The following CMIP variants were observed in gnomAD, a reference collection of about 807,000 sequenced individuals.
CMIP encodes c-Maf inducing protein.
In CMIP, 13 loss-of-function variants were observed where a neutral mutation model predicts 97.3. The ratio of observed to expected loss-of-function variants is 0.13; its 90% CI spans 0.09 to 0.21. The LOEUF is 0.21. Among genes scored for constraint, CMIP ranks in the 10% least tolerant of loss-of-function variants. CMIP has a pLI of 1.00. For missense variants in CMIP, 847 were observed against 1,024.9 expected (o/e 0.83, Z 2.37); for synonymous variants, 538 against 436.3 (o/e 1.23, Z -2.91).
chr16:81,483,414 C>G (rs1417558454), intron 1 of CMIP, among the ~76,000 whole-genome samples: 1 of 152,132 alleles, frequency 6.6e-6, no homozygotes, highest in Non-Finnish European at 1.5e-5. Flanking sequence ...CTGTGAGTCA[C>G]TAGTGGGGTC....
chr16:81,698,715 G>A (rs1469591157), intron 14 of CMIP, among the ~76,000 whole-genome samples: 2 of 152,084 alleles, frequency 1.3e-5, no homozygotes, highest in African/African-American at 4.8e-5. Flanking sequence ...TCTCCAGAAC[G>A]TTCTTATCTT....
chr16:81,618,205 GC>G (rs1486746019), intron 2 of CMIP, among the ~76,000 whole-genome samples: 1 of 152,138 alleles, frequency 6.6e-6, no homozygotes, highest in African/African-American at 2.4e-5. Flanking sequence ...GTCCCATGGG[GC>G]TAAAACGAAG....
chr16:81,595,194 T>C (rs1447585646), intron 1 of CMIP, among the ~76,000 whole-genome samples: 1 of 151,972 alleles, frequency 6.6e-6, no homozygotes, highest in Non-Finnish European at 1.5e-5. Context: ...TAGAACATTT[T>C]CATCCCCCAA....
chr16:81,593,508 T>G (rs1450936125), intron 1 of CMIP, among the ~76,000 whole-genome samples: 1 of 152,196 alleles, frequency 6.6e-6, no homozygotes, highest in African/African-American at 2.4e-5. Context: ...GGTCACCCCA[T>G]GCACCAGGCC....
Position 81,657,050 on chromosome 16 carries a change from T to TA in CMIP, c.640-713dup, listed in dbSNP as rs925722974. Among the ~76,000 whole-genome samples, 66 of 114,042 alleles carry TA rather than the reference T, an allele frequency of 5.8e-4. 1 individual carries two copies. Among genetic ancestry groups the TA allele is most frequent in the Middle Eastern group, 5.3e-3 (1 of 188 alleles). 74.8% of individuals were successfully genotyped at this position (114,042 alleles called of 152,430 possible). A position where few individuals can be genotyped will look rare whatever the true frequency, so the allele number is the denominator to read the frequency against. Reference sequence around the variant, plus strand: ...AGTATAATGCAGATATTCCAAAATTTAAAAAAAAAAAATGGAAATCCAAAA... The same window carrying TA: ...AGTATAATGCAGATATTCCAAAATTTAAAAAAAAAAAAATGGAAATCCAAAA... On this transcript the variant is annotated intron_variant, in intron 4 of 20. Transcript: ENST00000537098.
rs2091989987 is a variant in CMIP, at chr16:81,621,370, T to C, written c.477+444T>C. On this transcript the variant is annotated intron_variant, in intron 3 of 20. Transcript: ENST00000537098. This position sits in a 1 kb window ranked among gnomAD's most constrained non-coding sequence, Gnocchi z 4.1. ...TCTTCACTGATTTTCAGTTGTCGGA[T>C]TCTGTGGCCTAATTTTCTGATTCTG... The C allele has an allele frequency of 6.1e-6, 1 of 163,150 alleles. No individual in the cohort carries two copies. The allele number at this position is 163,150 out of a possible 1,614,324, so 10.1% of individuals were successfully genotyped here.
rs575915855 is a variant in CMIP at position 81,703,341 on chromosome 16, T to C, written c.1945-598T>C. Among the ~76,000 whole-genome samples, 242 of 152,164 alleles carry C rather than the reference T, an allele frequency of 1.6e-3. 1 individual carries two copies. The highest frequency in any genetic ancestry group is 5.3e-3 in the African/African-American group (222 of 41,502). On this transcript the variant is annotated intron_variant, in intron 17 of 20. Coordinates refer to ENST00000537098, the MANE Select transcript of CMIP (RefSeq NM_198390.3). ...GATGGAGGGGAGTGTGGAGGTTGTC[T>C]TAGGAACCTCCCAGTCCGGTGCTCA...
At chr16:81,673,980 G>C (rs1412274948) in intron 9 of CMIP, among the ~76,000 whole-genome samples, 1 of 152,172 alleles carries the variant, frequency 6.6e-6, no homozygotes, top group Non-Finnish European at 1.5e-5. Flanking sequence ...TGTACAGGGG[G>C]GATTTCTCAA....
chr16:81,583,631 T>C (rs117574543), intron 1 of CMIP, among the ~76,000 whole-genome samples: 6,245 of 152,252 alleles, frequency 0.041, 181 homozygotes, highest in Middle Eastern at 0.12. Flanking sequence ...TTCCTCTCAC[T>C]GTCAGCCCCA....
chr16:81,603,087 G>C (rs9931049), intron 1 of CMIP, among the ~76,000 whole-genome samples: 35,210 of 151,884 alleles, frequency 0.23, 4,964 homozygotes, highest in East Asian at 0.46. Flanking sequence ...GTTTGGTTTT[G>C]TTTTGTTTTT....
intron 3 of CMIP, among the ~76,000 whole-genome samples, chr16:81,640,849 T>C (rs1262652654): frequency 6.6e-6 from 1 of 151,816 alleles, no homozygotes; most frequent in African/African-American, 2.4e-5. Context: ...CAGTATGACC[T>C]CATCTTAATT....
intron 14 of CMIP, among the ~76,000 whole-genome samples, chr16:81,699,129 T>C (rs376135615): frequency 2.6e-4 from 40 of 152,264 alleles, no homozygotes; most frequent in African/African-American, 9.4e-4. Flanking sequence ...GGTGCATGCC[T>C]GTAATCCTAG....
chr16:81,501,014 T>C (rs2089600242), intron 1 of CMIP, among the ~76,000 whole-genome samples: 1 of 152,266 alleles, frequency 6.6e-6, no homozygotes, highest in African/African-American at 2.4e-5. Context: ...CGAGCAAATC[T>C]GGTGGTTATC....
intron 1 of CMIP, among the ~76,000 whole-genome samples, chr16:81,499,328 C>T (rs1329401167): frequency 1.3e-5 from 2 of 152,222 alleles, no homozygotes; most frequent in East Asian, 3.8e-4. Flanking sequence ...ATACTTGTCT[C>T]TGCACACACA....
At chr16:81,592,958 G>C (rs2150921517) in intron 1 of CMIP, among the ~76,000 whole-genome samples, 1 of 152,354 alleles carries the variant, frequency 6.6e-6, no homozygotes, top group East Asian at 1.9e-4. Flanking sequence ...TGGCAAAGGT[G>C]CCCAGTGGCA....
At chr16:81,497,515 T>A (rs990606659) in intron 1 of CMIP, among the ~76,000 whole-genome samples, 1 of 152,186 alleles carries the variant, frequency 6.6e-6, no homozygotes, top group Non-Finnish European at 1.5e-5. Context: ...GGCGACTGTC[T>A]CATTGTTTCA....
chr16:81,515,660 C>T (rs1288509904), intron 1 of CMIP, among the ~76,000 whole-genome samples: 1 of 152,148 alleles, frequency 6.6e-6, no homozygotes, highest in Non-Finnish European at 1.5e-5. Flanking sequence ...GTATCCTGCA[C>T]CAGGCGCTAT....
At chr16:81,497,704 C>T (rs923735199) in intron 1 of CMIP, among the ~76,000 whole-genome samples, 9 of 152,238 alleles carry the variant, frequency 5.9e-5, no homozygotes, top group South Asian at 2.1e-4. Context: ...TGCAGAATCC[C>T]GGTTTTCTGA....
At position 81,701,662 on chromosome 16, in the gene CMIP, C is replaced by T; in HGVS notation, c.1758C>T (p.Ile586=). Residue 586 remains isoleucine (I), a splice_region_variant and synonymous_variant, in exon 16 of 21, where the codon ATC becomes ATT. Coordinates refer to ENST00000537098, the MANE Select transcript of CMIP (RefSeq NM_198390.3). ...TGCACCCCTGCGGTTCTGGACAGAT[C>T]CTGTGCTTGATGCTGGAATACAACA... ...ALRGNQTMVE[I]LCLMLEYNII... is the part of the protein sequence containing the mutation. The T allele has an allele frequency of 6.2e-7, 1 of 1,613,904 alleles. No individual in the cohort carries two copies.
Sources: allele counts gnomAD v4.1 joint callset (sites outside exome capture counted in the v4.1 genomes callset), GRCh38; gene constraint gnomAD v4.1.1; non-coding constraint Gnocchi (gnomAD v3.1); transcripts MANE v1.5; gene names NCBI Gene and HGNC (gene_info 2026-07-23, HGNC 2026-07-21).